Variants in MAST4 observed in about 807,000 individuals in gnomAD.
MAST4 encodes microtubule associated serine/threonine kinase family member 4.
MAST4 carries 89 observed loss-of-function variants against 162.7 expected under a neutral mutation model. The ratio of observed to expected loss-of-function variants is 0.55; its 90% CI spans 0.46 to 0.65. MAST4 has a LOEUF of 0.65. Ranked by LOEUF, MAST4 falls within the 30% of genes least tolerant of loss-of-function variation. The pLI is 0.00. For synonymous variants in MAST4, 1,479 were observed against 1,361.1 expected (o/e 1.09, Z -1.91); for missense variants, 3,153 against 3,374.0 (o/e 0.93, Z 1.62).
intron 1 of MAST4, among the ~76,000 whole-genome samples, chr5:66,745,109 C>T (rs1349637860): frequency 7.9e-5 from 12 of 152,178 alleles, no homozygotes; most frequent in Non-Finnish European, 1.3e-4. Context: ...ATATAATTAT[C>T]CTTATTTTAT....
intron 3 of MAST4, among the ~76,000 whole-genome samples, chr5:66,894,664 A>G (rs1357815396): frequency 6.6e-6 from 1 of 152,244 alleles, no homozygotes; most frequent in Non-Finnish European, 1.5e-5. Flanking sequence ...GGGGAAGTGC[A>G]TGAACTTGAA....
chr5:66,864,115 T>C (rs36157), intron 3 of MAST4, among the ~76,000 whole-genome samples: 82,799 of 152,002 alleles, frequency 0.54, 23,830 homozygotes, highest in Non-Finnish European at 0.64. Context: ...AGAAAACAAA[T>C]GAGACAAAGT....
intron 10 of MAST4, among the ~76,000 whole-genome samples, chr5:67,106,377 C>G (rs755451301): frequency 6.6e-6 from 1 of 152,172 alleles, no homozygotes; most frequent in Non-Finnish European, 1.5e-5. Flanking sequence ...ATTTCCTCAA[C>G]CACACATGCT....
At chr5:66,946,196 T>C (rs1381298733) in intron 4 of MAST4, among the ~76,000 whole-genome samples, 3 of 152,120 alleles carry the variant, frequency 2.0e-5, no homozygotes, top group African/African-American at 7.2e-5. Context: ...GCTGTGTGTG[T>C]GGAAGGTCAG....
chr5:66,649,518 T>C (rs1205052090), intron 1 of MAST4, among the ~76,000 whole-genome samples: 1 of 152,168 alleles, frequency 6.6e-6, no homozygotes, highest in Non-Finnish European at 1.5e-5. Flanking sequence ...CCATGTCTTA[T>C]CTCTTCTTTT....
rs151311803 is a variant in MAST4, at chr5:67,112,742, G to T, written c.1459-1345G>T. On this transcript the variant is annotated intron_variant, in intron 11 of 28. Coordinates refer to ENST00000403625, the MANE Select transcript of MAST4 (RefSeq NM_001164664.2). The stretch of plus-strand genomic sequence containing the variant: ...TCAGCTATCCAGAAGCTCCCCAAGT[G>T]CAGTCTTTTTGGGTTTTTATGGAAG... Among the ~76,000 whole-genome samples the T allele has an allele frequency of 2.7e-3, 418 of 152,244 alleles. 1 individual carries two copies. Among genetic ancestry groups the T allele is most frequent in the Middle Eastern group, 0.02 (6 of 294 alleles).
chr5:67,074,915 A>G (rs1761427617), intron 5 of MAST4, among the ~76,000 whole-genome samples: 2 of 152,222 alleles, frequency 1.3e-5, no homozygotes, highest in African/African-American at 2.4e-5. Context: ...ACGTTTCACC[A>G]GAAAAATTCA....
intron 1 of MAST4, among the ~76,000 whole-genome samples, chr5:66,626,312 A>G (rs1436670341): frequency 6.6e-6 from 1 of 152,152 alleles, no homozygotes; most frequent in Non-Finnish European, 1.5e-5. Context: ...GCATTTCACA[A>G]TGTATATGTT....
Position 66,730,646 on chromosome 5 carries a change from T to C in MAST4, c.364-29063T>C, listed in dbSNP as rs577555395. 3.4e-4 allele frequency among the ~76,000 whole-genome samples: 52 copies of C among 152,202 alleles called. 1 individual carries two copies. Among genetic ancestry groups the C allele is most frequent in the Non-Finnish European group, 1.5e-4 (10 of 68,044 alleles). On this transcript the variant is annotated intron_variant, in intron 1 of 28. Transcript: ENST00000403625. ...TTTTCCTCAAATTAATCTGTTAAGA[T>C]CAGGATAGCTTAAATTACAAACATC...
In MAST4 at chr5:66,801,200, C is replaced by G. The variant is rs534019611; in HGVS notation, c.642+12406C>G. Reference sequence around the variant, plus strand: ...GAGGTTCTGAAAGAATTTTAACAGGCCTGTGTATCTCCACTAGGAAACCGT... The same window carrying G: ...GAGGTTCTGAAAGAATTTTAACAGGGCTGTGTATCTCCACTAGGAAACCGT... On this transcript the variant is annotated intron_variant, in intron 3 of 28. Transcript: ENST00000403625. Among the ~76,000 whole-genome samples the G allele has an allele frequency of 2.9e-4, 44 of 152,100 alleles. No homozygotes were observed. In the South Asian group the frequency reaches 9.0e-3, roughly 31 times the overall value.
rs56307977 is a variant in MAST4 at position 67,165,586 on chromosome 5, C to A, written c.6407C>A (p.Pro2136His). ...LQRHPSSIPP[P>H]PLTAKDLSSP... ...AGGCATCCCAGCAGCATCCCTCCGC[C>A]CCCTCTGACGGCCAAAGACCTGTCC... The change falls in exon 29 of 29, where the codon CCC becomes CAC. Residue 2136 changes from proline (P) to histidine (H), a missense_variant. Pro to His is a moderately conservative substitution (Grantham distance 77). Transcript: ENST00000403625. 1 of 1,613,904 alleles carries A rather than the reference C, an allele frequency of 6.2e-7. No individual in the cohort carries two copies. Among genetic ancestry groups the A allele is most frequent in the Non-Finnish European group, 8.5e-7 (1 of 1,179,844 alleles).
chr5:66,886,571 AAAGT>A (rs1762051452), intron 3 of MAST4, among the ~76,000 whole-genome samples: 1 of 151,648 alleles, frequency 6.6e-6, no homozygotes, highest in African/African-American at 2.4e-5. Context: ...TATTCTGAAG[AAAGT>A]GAGTCCAGAA....
chr5:66,633,164 C>A (rs1744895917), intron 1 of MAST4, among the ~76,000 whole-genome samples: 1 of 152,156 alleles, frequency 6.6e-6, no homozygotes, highest in Non-Finnish European at 1.5e-5. Context: ...GATTCTGGGG[C>A]CTTCATTGCC....
At chr5:66,619,190 G>A (rs1230971273) in intron 1 of MAST4, among the ~76,000 whole-genome samples, 1 of 152,132 alleles carries the variant, frequency 6.6e-6, no homozygotes, top group African/African-American at 2.4e-5. Flanking sequence ...ATAGTAGACG[G>A]TTTTGCATTT....
At chr5:66,945,969 T>G (rs1287567858) in intron 4 of MAST4, among the ~76,000 whole-genome samples, 1 of 152,170 alleles carries the variant, frequency 6.6e-6, no homozygotes, top group Non-Finnish European at 1.5e-5. Context: ...CAGATATTTG[T>G]GTGTTAGGTA....
chr5:66,804,198 T>G (rs1325493662), intron 3 of MAST4, among the ~76,000 whole-genome samples: 3 of 152,218 alleles, frequency 2.0e-5, no homozygotes, highest in Admixed American at 2.0e-4. Context: ...GGATTATCTT[T>G]GTCTAGTTTT....
rs544017728 is a variant in MAST4, at chr5:67,165,936, A to T, written c.6757A>T (p.Thr2253Ser). 1 of 1,613,186 alleles carries T rather than the reference A, an allele frequency of 6.2e-7. No individual in the cohort carries two copies. Among genetic ancestry groups the T allele is most frequent in the Admixed American group, 1.7e-5 (1 of 59,996 alleles). ...GAGTGGGCCGGATGTGTTTCCTGCTACCCCAGGCTCCCAGAACAAAGCCAG... is the reference window on the plus strand; with the variant it reads ...GAGTGGGCCGGATGTGTTTCCTGCTTCCCCAGGCTCCCAGAACAAAGCCAG... Reference protein sequence around the residue: ...SKSGPDVFPATPGSQNKASDG... With the variant: ...SKSGPDVFPASPGSQNKASDG... Residue 2253 changes from threonine to serine, a missense_variant, in exon 29 of 29, where the codon ACC (threonine) becomes TCC (serine). Transcript: ENST00000403625.
At chr5:67,100,103 C>T (rs770816604) in intron 7 of MAST4, among the ~76,000 whole-genome samples, 51 of 152,172 alleles carry the variant, frequency 3.4e-4, no homozygotes, top group Non-Finnish European at 6.6e-4. Context: ...GAGAACTAAT[C>T]TGTGATACAG....
At chr5:66,954,589 AG>A (rs1745081536) in intron 4 of MAST4, among the ~76,000 whole-genome samples, 1 of 152,218 alleles carries the variant, frequency 6.6e-6, no homozygotes, top group Non-Finnish European at 1.5e-5. Flanking sequence ...AATATATGTT[AG>A]GTGAAAAATA....
Sources: allele counts gnomAD v4.1 joint callset (sites outside exome capture counted in the v4.1 genomes callset), GRCh38; gene constraint gnomAD v4.1.1; transcripts MANE v1.5; gene names NCBI Gene and HGNC (gene_info 2026-07-23, HGNC 2026-07-21).